Variants in ACOX3 observed in about 807,000 individuals in gnomAD.
ACOX3 encodes the protein acyl-CoA oxidase 3, pristanoyl.
In ACOX3, 73 loss-of-function variants were observed where a neutral mutation model predicts 81.5. The ratio of observed to expected loss-of-function variants is 0.90; its 90% CI spans 0.74 to 1.09. The LOEUF is 1.09. Among genes scored for constraint, ACOX3 ranks in the 50% least tolerant of loss-of-function variants. The pLI is 0.00. For missense variants in ACOX3, 947 were observed against 928.0 expected (o/e 1.02, Z -0.27); for synonymous variants, 387 against 375.1 (o/e 1.03, Z -0.37).
In ACOX3 at chr4:8,430,392, A is replaced by C. The variant is rs991649289; in HGVS notation, c.-15+10256T>G. ...AACAAGGATTGCCTGAAGACAAAGC[A>C]ATCATGGTCTAATAAAAAATACACA... On this transcript the variant is annotated intron_variant, in intron 1 of 17. Transcript: ENST00000356406. This position sits in a 1 kb window ranked among gnomAD's most constrained non-coding sequence, Gnocchi z 5.2. Among the ~76,000 whole-genome samples the C allele has an allele frequency of 3.9e-5, 6 of 152,216 alleles. No individual in the cohort carries two copies. Among genetic ancestry groups the C allele is most frequent in the Admixed American group, 3.3e-4 (5 of 15,292 alleles).
At chr4:8,376,334 GCTA>G (rs1716956524) in intron 14 of ACOX3, among the ~76,000 whole-genome samples, 1 of 133,296 alleles carries the variant, frequency 7.5e-6, no homozygotes, top group Non-Finnish European at 1.6e-5. Flanking sequence ...ATGAGCAGGT[GCTA>G]CTTTTAAAAT....
At chr4:8,415,617 A>G in intron 3 of ACOX3, 149 bp downstream of exon 3, 2 of 669,682 alleles carry the variant, frequency 3.0e-6, no homozygotes, top group Non-Finnish European at 4.9e-6. Flanking sequence ...TTTTTTAAAA[A>G]CATTAAAAAA....
intron 7 of ACOX3, among the ~76,000 whole-genome samples, chr4:8,404,092 A>C (rs1036708126): frequency 9.9e-5 from 15 of 152,218 alleles, no homozygotes; most frequent in Admixed American, 3.9e-4. Context: ...AGCGCTTCAG[A>C]GCTTCTCACC....
chr4:8,370,000 C>T (rs555841694), intron 17 of ACOX3, among the ~76,000 whole-genome samples: 133 of 152,286 alleles, frequency 8.7e-4, no homozygotes, highest in African/African-American at 3.0e-3. Flanking sequence ...CATCGCTCCT[C>T]GAGGGCATCA....
chr4:8,362,915 A>G (rs1457394633), downstream of ACOX3, among the ~76,000 whole-genome samples: 1 of 152,258 alleles, frequency 6.6e-6, no homozygotes, highest in Non-Finnish European at 1.5e-5. Flanking sequence ...TACTTTATAC[A>G]AACAATCAGG....
Position 8,406,068 on chromosome 4 carries a change from A to C in ACOX3, c.688-25T>G. The C allele has an allele frequency of 6.2e-7, 1 of 1,602,452 alleles. No homozygotes were observed. Among genetic ancestry groups the C allele is most frequent in the East Asian group, 2.2e-5 (1 of 44,810 alleles). ...TCTATACAAAGCCACAGAAAGCAGC[A>C]AACAGCAACTGTTACAATCACACAA... On this transcript the variant is annotated intron_variant, in intron 6 of 17. Transcript: ENST00000356406. The surrounding 1 kb of genome is among the most constrained non-coding windows in gnomAD (Gnocchi z 5.6).
At chr4:8,415,172 T>A (rs1042040466) in intron 3 of ACOX3, among the ~76,000 whole-genome samples, 2 of 152,112 alleles carry the variant, frequency 1.3e-5, no homozygotes, top group Non-Finnish European at 2.9e-5. Context: ...AAGACCTACA[T>A]CTCTGTGCCG....
At chr4:8,375,490 A>G (rs1049187488) in intron 14 of ACOX3, among the ~76,000 whole-genome samples, 2 of 152,160 alleles carry the variant, frequency 1.3e-5, no homozygotes, top group Non-Finnish European at 2.9e-5. Flanking sequence ...GCGGCTACAG[A>G]GTGGGCGCCC....
At chr4:8,376,762 T>A (rs887333831) in intron 14 of ACOX3, among the ~76,000 whole-genome samples, 1 of 152,138 alleles carries the variant, frequency 6.6e-6, no homozygotes, top group Non-Finnish European at 1.5e-5. Flanking sequence ...TGATCTCACA[T>A]GCGCTATAGC....
intron 1 of ACOX3, among the ~76,000 whole-genome samples, chr4:8,417,824 A>G (rs1479432879): frequency 2.0e-5 from 3 of 152,266 alleles, no homozygotes; most frequent in African/African-American, 7.2e-5. Context: ...CCAAATAAAA[A>G]GGAGAAAACA....
Position 8,406,717 on chromosome 4 carries a change from G to C in ACOX3, c.688-674C>G, listed in dbSNP as rs1241461918. On this transcript the variant is annotated intron_variant, in intron 6 of 17. Coordinates refer to ENST00000356406, the MANE Select transcript of ACOX3 (RefSeq NM_003501.3). This position sits in a 1 kb window ranked among gnomAD's most constrained non-coding sequence, Gnocchi z 5.6. ...GGCAGAGAGAGAGAGAGGAGACAGA[G>C]AGAAAGACAGCTTACGCCATTATTT... Among the ~76,000 whole-genome samples the C allele has an allele frequency of 1.3e-5, 2 of 152,232 alleles. No individual in the cohort carries two copies. The highest frequency in any genetic ancestry group is 2.4e-5 in the African/African-American group (1 of 41,462).
At chr4:8,418,775 G>A (rs962058347) in intron 1 of ACOX3, among the ~76,000 whole-genome samples, 29 of 152,232 alleles carry the variant, frequency 1.9e-4, no homozygotes, top group African/African-American at 2.9e-4. Context: ...CAGGAGAATC[G>A]GTTGAACCGG....
At chr4:8,375,790 A>G (rs1716895318) in intron 14 of ACOX3, among the ~76,000 whole-genome samples, 1 of 152,214 alleles carries the variant, frequency 6.6e-6, no homozygotes, top group Non-Finnish European at 1.5e-5. Context: ...TTGCTGCATT[A>G]GTCTGCTGAG....
At position 8,409,186 on chromosome 4, in the gene ACOX3, C is replaced by T. The variant is rs145932801; in HGVS notation, c.687+1026G>A. Among the ~76,000 whole-genome samples the T allele has an allele frequency of 2.6e-3, 398 of 152,324 alleles. 1 individual carries two copies. The highest frequency in any genetic ancestry group is 9.1e-3 in the African/African-American group (380 of 41,572). On this transcript the variant is annotated intron_variant, in intron 6 of 17. Coordinates refer to ENST00000356406, the MANE Select transcript of ACOX3 (RefSeq NM_003501.3). ...GAACATGAGCAACAAAAGAAAAAAA[C>T]GTAAAACTGGACTTCATCGAAATTG...
At chr4:8,410,406 C>A (rs1321184431) in intron 5 of ACOX3, 51 bp from the exon 6 acceptor site, 1 of 1,597,784 alleles carries the variant, frequency 6.3e-7, no homozygotes, top group South Asian at 1.1e-5. Context: ...AAAGCACATG[C>A]AGAATTGGTG....
chr4:8,395,698 T>C (rs1175845959), intron 9 of ACOX3, among the ~76,000 whole-genome samples: 2 of 150,236 alleles, frequency 1.3e-5, no homozygotes, highest in South Asian at 2.1e-4. Flanking sequence ...GTGGCCCCAG[T>C]GCGCTCTCTT....
intron 16 of ACOX3, among the ~76,000 whole-genome samples, chr4:8,372,120 C>T (rs368624024): frequency 6.8e-4 from 104 of 152,278 alleles, no homozygotes; most frequent in African/African-American, 1.6e-3. Flanking sequence ...TTTTTTGAGA[C>T]GGGGTCTTGC....
intron 1 of ACOX3, among the ~76,000 whole-genome samples, chr4:8,429,597 C>A (rs966322263): frequency 6.6e-6 from 1 of 152,134 alleles, no homozygotes. Context: ...GAGGAAGGGG[C>A]TGCCAGTGAA....
At position 8,400,210 on chromosome 4, in the gene ACOX3, C is replaced by A. The variant is rs1720216218; in HGVS notation, c.777-558G>T. 1.3e-5 allele frequency among the ~76,000 whole-genome samples: 2 copies of A among 151,714 alleles called. No homozygotes were observed. The highest frequency in any genetic ancestry group is 2.9e-5 in the Non-Finnish European group (2 of 67,976). On this transcript the variant is annotated intron_variant, in intron 7 of 17. Coordinates refer to ENST00000356406, the MANE Select transcript of ACOX3 (RefSeq NM_003501.3). This position sits in a 1 kb window ranked among gnomAD's most constrained non-coding sequence, Gnocchi z 4.4. ...AAGTTGCAGTGAGCCAAGATCACGC[C>A]ACTGCACTCCAGCCTTGGTGACAGA...
Sources: allele counts gnomAD v4.1 joint callset (sites outside exome capture counted in the v4.1 genomes callset), GRCh38; gene constraint gnomAD v4.1.1; non-coding constraint Gnocchi (gnomAD v3.1); transcripts MANE v1.5; gene names NCBI Gene and HGNC (gene_info 2026-07-23, HGNC 2026-07-21).